Variants in CTNNA3 observed in about 807,000 individuals in gnomAD.
CTNNA3 encodes catenin alpha 3, also known as catenin alpha-3.
CTNNA3 carries 76 observed loss-of-function variants against 95.7 expected under a neutral mutation model. The observed-to-expected ratio is 0.79, with a 90% CI of 0.66 to 0.96. The LOEUF (loss-of-function observed/expected upper bound fraction) is 0.96, where lower values mean the gene tolerates loss of function less well. CTNNA3 is among the 40% of genes least tolerant of loss of function. The pLI is 0.00. For missense variants in CTNNA3, 1,191 were observed against 1,089.8 expected (o/e 1.09, Z -1.31); for synonymous variants, 431 against 374.4 (o/e 1.15, Z -1.74).
chr10:67,291,204 G>T (rs954074133), intron 5 of CTNNA3, among the ~76,000 whole-genome samples: 3 of 152,098 alleles, frequency 2.0e-5, no homozygotes, highest in Admixed American at 1.3e-4. Context: ...ATATGTAAAA[G>T]AAAATAATAC....
At chr10:66,059,637 T>G (rs537450441) in intron 15 of CTNNA3, among the ~76,000 whole-genome samples, 1 of 152,246 alleles carries the variant, frequency 6.6e-6, no homozygotes, top group East Asian at 1.9e-4. Context: ...TATGTTGCTC[T>G]GGCTCTAAAT....
intron 10 of CTNNA3, among the ~76,000 whole-genome samples, chr10:66,538,970 C>T (rs1289704682): frequency 6.6e-6 from 1 of 152,084 alleles, no homozygotes; most frequent in African/African-American, 2.4e-5. Flanking sequence ...ATCTATCTTA[C>T]CTAACCTGTA....
At chr10:66,124,297 T>C (rs1385230614) in intron 13 of CTNNA3, among the ~76,000 whole-genome samples, 1 of 152,202 alleles carries the variant, frequency 6.6e-6, no homozygotes, top group Non-Finnish European at 1.5e-5. Context: ...TGCTAAAACA[T>C]AACAAGAGTC....
intron 12 of CTNNA3, among the ~76,000 whole-genome samples, chr10:66,309,335 C>T (rs1399111631): frequency 6.6e-6 from 1 of 152,134 alleles, no homozygotes; most frequent in Non-Finnish European, 1.5e-5. Flanking sequence ...CAGACATACA[C>T]ACAAATAGAC....
intron 5 of CTNNA3, among the ~76,000 whole-genome samples, chr10:67,225,672 G>A (rs994982439): frequency 2.6e-5 from 4 of 152,104 alleles, no homozygotes; most frequent in Non-Finnish European, 4.4e-5. Flanking sequence ...TAGGAAAAGC[G>A]GGAGAGTACT....
intron 13 of CTNNA3, among the ~76,000 whole-genome samples, chr10:66,254,488 G>A (rs1249674102): frequency 1.3e-5 from 2 of 152,056 alleles, no homozygotes; most frequent in African/African-American, 2.4e-5. Context: ...AAACCCCTAA[G>A]GAAAATCCAC....
At chr10:65,995,189 T>C (rs1438917148) in intron 15 of CTNNA3, among the ~76,000 whole-genome samples, 1 of 152,192 alleles carries the variant, frequency 6.6e-6, no homozygotes, top group African/African-American at 2.4e-5. Context: ...TGCTGGACAA[T>C]TATTATGTTT....
chr10:66,479,978 A>ACACACACACACACACACCCCC (rs1427904243), intron 11 of CTNNA3, among the ~76,000 whole-genome samples: 1 of 151,332 alleles, frequency 6.6e-6, no homozygotes, highest in African/African-American at 2.4e-5. Flanking sequence ...ACACACACAC[A>ACACACACACACACACACCCCC]CCCCAGAACT....
chr10:67,460,136 G>A (rs1847320865), intron 5 of CTNNA3, among the ~76,000 whole-genome samples: 1 of 152,028 alleles, frequency 6.6e-6, no homozygotes, highest in South Asian at 2.1e-4. Context: ...ATTCAACATA[G>A]GTTTATATAC....
intron 13 of CTNNA3, among the ~76,000 whole-genome samples, chr10:66,150,295 G>T (rs1246733309): frequency 2.0e-5 from 3 of 152,250 alleles, no homozygotes; most frequent in African/African-American, 7.2e-5. Flanking sequence ...GATGTGACTT[G>T]CTCCTCCTTG....
intron 5 of CTNNA3, among the ~76,000 whole-genome samples, chr10:67,263,784 A>T (rs1866709048): frequency 6.6e-6 from 1 of 152,202 alleles, no homozygotes; most frequent in South Asian, 2.1e-4. Context: ...AAGGGTAATG[A>T]GAATTCTGCT....
chr10:66,235,929 ATTTTTTCTCACGTC>A (rs1438428876), intron 13 of CTNNA3, among the ~76,000 whole-genome samples: 1 of 152,118 alleles, frequency 6.6e-6, no homozygotes, highest in Non-Finnish European at 1.5e-5. Context: ...GACTAAAAAC[ATTTTTTCTCACGTC>A]TATTTTCTCA....
chr10:66,550,634 C>T (rs139193137), intron 10 of CTNNA3, among the ~76,000 whole-genome samples: 2 of 152,288 alleles, frequency 1.3e-5, no homozygotes, highest in African/African-American at 4.8e-5. Context: ...CATTAGCACT[C>T]ACTGTAATTA....
chr10:66,789,706 G>A lies in CTNNA3; in HGVS notation c.1048-14182C>T, dbSNP rs184483207. Among the ~76,000 whole-genome samples the A allele has an allele frequency of 3.4e-4, 51 of 152,228 alleles. No individual in the cohort carries two copies. The East Asian group carries it at 9.5e-3, about 28-fold the overall frequency. On this transcript the variant is annotated intron_variant, in intron 7 of 17. Transcript: ENST00000433211. ...AATTAATAGAATATTTTCCATGTGA[G>A]TATAGGCGGATATTGTGTATGAAGT...
Position 66,927,442 on chromosome 10 carries a change from A to G in CTNNA3, c.1048-151918T>C, listed in dbSNP as rs1270728140. ...CTCCCTGAGAACCATCCCTGTGCGA[A>G]TATTCCAAGACTGCCGCAACCTGGA... On this transcript the variant is annotated intron_variant, in intron 7 of 17. Coordinates refer to ENST00000433211, the MANE Select transcript of CTNNA3 (RefSeq NM_013266.4). This position sits in a 1 kb window ranked among gnomAD's most constrained non-coding sequence, Gnocchi z 4.7. 6.2e-7 allele frequency: 1 copy of G among 1,614,154 alleles called. No individual in the cohort carries two copies. The highest frequency in any genetic ancestry group is 1.7e-5 in the Admixed American group (1 of 60,030).
intron 12 of CTNNA3, among the ~76,000 whole-genome samples, chr10:66,285,546 T>C (rs1432225353): frequency 2.0e-5 from 3 of 151,886 alleles, no homozygotes; most frequent in Non-Finnish European, 4.4e-5. Flanking sequence ...TTCTAATTTG[T>C]TTACATCACA....
intron 3 of CTNNA3, among the ~76,000 whole-genome samples, chr10:67,606,227 A>C (rs1302455262): frequency 6.6e-6 from 1 of 152,218 alleles, no homozygotes; most frequent in Non-Finnish European, 1.5e-5. Flanking sequence ...TAACCAAAGA[A>C]TATTCAGCAA....
At chr10:66,702,792 C>T (rs1276598580) in intron 9 of CTNNA3, among the ~76,000 whole-genome samples, 1 of 148,798 alleles carries the variant, frequency 6.7e-6, no homozygotes, top group Non-Finnish European at 1.5e-5. Context: ...GTCGTCGTCT[C>T]TCTTTGGCTT....
At chr10:67,071,818 TTGAG>T (rs1233525906) in intron 7 of CTNNA3, among the ~76,000 whole-genome samples, 6 of 152,210 alleles carry the variant, frequency 3.9e-5, no homozygotes, top group Non-Finnish European at 8.8e-5. Context: ...TTTCTATGCT[TTGAG>T]TATTTTTTCA....
Sources: allele counts gnomAD v4.1 joint callset (sites outside exome capture counted in the v4.1 genomes callset), GRCh38; gene constraint gnomAD v4.1.1; non-coding constraint Gnocchi (gnomAD v3.1); transcripts MANE v1.5; gene names NCBI Gene and HGNC (gene_info 2026-07-23, HGNC 2026-07-21).